FOXO3: variants seen among roughly 807,000 people sequenced by gnomAD.
The protein encoded by FOXO3 is forkhead box O3.
In FOXO3, 4 loss-of-function variants were observed where a neutral mutation model predicts 41.9. That is an observed-to-expected ratio of 0.10 (90% CI 0.05 to 0.22). The LOEUF is 0.22. Among genes scored for constraint, FOXO3 ranks in the 10% least tolerant of loss-of-function variants. The probability of loss-of-function intolerance (pLI) is 1.00; values close to 1 mark genes in which losing one functional copy is unlikely to be tolerated. For synonymous variants in FOXO3, 318 were observed against 389.3 expected (o/e 0.82, Z 2.16); for missense variants, 534 against 906.8 (o/e 0.59, Z 5.28).
intron 1 of FOXO3, among the ~76,000 whole-genome samples, chr6:108,657,507 G>A (rs1426971135): frequency 1.3e-5 from 2 of 152,144 alleles, no homozygotes; most frequent in Non-Finnish European, 2.9e-5. Flanking sequence ...TAGTTCTTCA[G>A]CCAGTTACCA....
chr6:108,673,373 G>T (rs1299114915), intron 2 of FOXO3, among the ~76,000 whole-genome samples: 1 of 152,212 alleles, frequency 6.6e-6, no homozygotes, highest in Non-Finnish European at 1.5e-5. Context: ...TGCACACCTG[G>T]CCAGGGCACT....
chr6:108,584,506 T>A lies in FOXO3; in HGVS notation c.621+22677T>A, dbSNP rs113937110. On this transcript the variant is annotated intron_variant, in intron 1 of 2. Coordinates refer to ENST00000406360, the MANE Select transcript of FOXO3 (RefSeq NM_001455.4). ...GGTGGGAGTTGTCCATCCTTTCGCG[T>A]TGGCTTTGCTTTTGTTTGTGTAACC... Among the ~76,000 whole-genome samples, 1,442 of 152,322 alleles carry A rather than the reference T, an allele frequency of 9.5e-3. 26 individuals are homozygous for A. The highest frequency in any genetic ancestry group is 0.032 in the African/African-American group (1,324 of 41,566).
intron 1 of FOXO3, among the ~76,000 whole-genome samples, chr6:108,615,572 G>T (rs1777474750): frequency 6.7e-6 from 1 of 150,222 alleles, no homozygotes. Context: ...TGTTCTTTTT[G>T]GAGTTTGTTG....
intron 1 of FOXO3, among the ~76,000 whole-genome samples, chr6:108,638,793 A>G (rs1445507636): frequency 6.6e-6 from 1 of 152,228 alleles, no homozygotes; most frequent in Non-Finnish European, 1.5e-5. Context: ...AACAAGGTAT[A>G]GAGCTGTTTT....
intron 1 of FOXO3, among the ~76,000 whole-genome samples, chr6:108,637,141 T>C (rs1024235867): frequency 6.6e-6 from 1 of 152,166 alleles, no homozygotes; most frequent in Non-Finnish European, 1.5e-5. Flanking sequence ...ATAAAATAAA[T>C]TGAGGTATTG....
intron 1 of FOXO3, among the ~76,000 whole-genome samples, chr6:108,601,736 T>C (rs1209954197): frequency 3.3e-5 from 5 of 152,274 alleles, no homozygotes; most frequent in Non-Finnish European, 2.9e-5. Flanking sequence ...GATCATGTTA[T>C]ATCATACAGT....
chr6:108,590,137 C>CTT, intron 1 of FOXO3, among the ~76,000 whole-genome samples: 2 of 144,140 alleles, frequency 1.4e-5, no homozygotes, highest in African/African-American at 5.1e-5. Context: ...TAATTTAAAT[C>CTT]TTTTTTTTTT....
chr6:108,612,069 C>G lies in FOXO3; in HGVS notation c.621+50240C>G, dbSNP rs868111749. ...TATTTTGTCAGGTAGTATAACTCTTCCAATTTAGTTCTTTTTCAAAATCAT... is the reference window on the plus strand; with the variant it reads ...TATTTTGTCAGGTAGTATAACTCTTGCAATTTAGTTCTTTTTCAAAATCAT... On this transcript the variant is annotated intron_variant, in intron 1 of 2. Transcript: ENST00000406360. Among the ~76,000 whole-genome samples the G allele has an allele frequency of 3.9e-5, 6 of 152,188 alleles. No individual in the cohort carries two copies. The South Asian group carries it at 6.2e-4, about 16-fold the overall frequency.
chr6:108,656,854 G>T (rs1189112914), intron 1 of FOXO3, among the ~76,000 whole-genome samples: 1 of 152,222 alleles, frequency 6.6e-6, no homozygotes, highest in East Asian at 1.9e-4. Context: ...AGCAATAATT[G>T]TATCTTGCAA....
At chr6:108,568,148 G>A (rs1163710278) in intron 1 of FOXO3, among the ~76,000 whole-genome samples, 3 of 151,854 alleles carry the variant, frequency 2.0e-5, no homozygotes, top group Non-Finnish European at 4.4e-5. Flanking sequence ...AGGAGTTTGA[G>A]ACTGCAGTGA....
chr6:108,563,184 G>A (rs1775863232), intron 1 of FOXO3, among the ~76,000 whole-genome samples: 1 of 152,142 alleles, frequency 6.6e-6, no homozygotes, highest in Non-Finnish European at 1.5e-5. Flanking sequence ...AGAACTTAAT[G>A]TAGAGAATGT....
intron 1 of FOXO3, among the ~76,000 whole-genome samples, chr6:108,601,031 G>A (rs559011169): frequency 8.6e-5 from 13 of 151,152 alleles, no homozygotes; most frequent in Non-Finnish European, 1.5e-4. Flanking sequence ...TTTTTCTGAC[G>A]GAGTCTTGCT....
At chr6:108,589,765 T>G (rs1776684229) in intron 1 of FOXO3, among the ~76,000 whole-genome samples, 1 of 152,268 alleles carries the variant, frequency 6.6e-6, no homozygotes, top group South Asian at 2.1e-4. Flanking sequence ...AGGGGACTTT[T>G]GGATTACACA....
intron 1 of FOXO3, chr6:108,618,355 T>G: frequency 1.8e-6 from 1 of 562,794 alleles, no homozygotes; most frequent in South Asian, 1.9e-5. Flanking sequence ...AACGAGCACA[T>G]GAGCAGCACC....
intron 1 of FOXO3, among the ~76,000 whole-genome samples, chr6:108,621,166 C>T (rs1188537443): frequency 6.6e-6 from 1 of 152,120 alleles, no homozygotes; most frequent in Non-Finnish European, 1.5e-5. Flanking sequence ...TAGTGAATCA[C>T]CAAACGAGTG....
intron 1 of FOXO3, among the ~76,000 whole-genome samples, chr6:108,603,164 A>T (rs1264809856): frequency 6.6e-6 from 1 of 151,238 alleles, no homozygotes; most frequent in Non-Finnish European, 1.5e-5. Context: ...GGCCAGTTTC[A>T]GCAAAAAATG....
chr6:108,601,231 C>G (rs1002555769), intron 1 of FOXO3, among the ~76,000 whole-genome samples: 1 of 151,654 alleles, frequency 6.6e-6, no homozygotes, highest in East Asian at 1.9e-4. Flanking sequence ...CCGGGATGGT[C>G]TCGATCTCCT....
At chr6:108,610,207 AT>A (rs1049722783) in intron 1 of FOXO3, among the ~76,000 whole-genome samples, 5 of 151,892 alleles carry the variant, frequency 3.3e-5, no homozygotes, top group African/African-American at 1.2e-4. Context: ...AGAGCCCTTG[AT>A]TTTTTTCCTC....
intron 2 of FOXO3, among the ~76,000 whole-genome samples, chr6:108,672,561 A>G (rs1254612374): frequency 3.3e-5 from 5 of 152,088 alleles, no homozygotes; most frequent in African/African-American, 4.8e-5. Context: ...TTAATAACCT[A>G]TTTTTTGCTA....
Sources: gnomAD v4.1 joint callset for allele counts (sites outside exome capture counted in the v4.1 genomes callset) on GRCh38, gnomAD v4.1.1 for gene constraint, MANE v1.5 for transcripts, NCBI Gene and HGNC (gene_info 2026-07-23, HGNC 2026-07-21) for gene names.